CDYL2: variants seen among roughly 807,000 people sequenced by gnomAD.
CDYL2 encodes chromodomain Y like 2, also known as chromodomain Y-like protein 2.
In CDYL2, 23 loss-of-function variants were observed where a neutral mutation model predicts 49.4. The observed-to-expected ratio is 0.47, with a 90% CI of 0.34 to 0.66. The LOEUF (loss-of-function observed/expected upper bound fraction) is 0.66. Among genes scored for constraint, CDYL2 ranks in the 30% least tolerant of loss-of-function variants. CDYL2 has a pLI of 0.01. For synonymous variants in CDYL2, 360 were observed against 268.8 expected, an observed-to-expected ratio of 1.34 and a Z score of -3.32; for missense variants, 678 against 656.4, an observed-to-expected ratio of 1.03 and a Z score of -0.36.
chr16:80,668,206 G>C (rs1033582571), intron 2 of CDYL2, among the ~76,000 whole-genome samples: 1 of 152,192 alleles, frequency 6.6e-6, no homozygotes, highest in Non-Finnish European at 1.5e-5. Context: ...TCCTGACTCA[G>C]AAAGAGTTCC....
chr16:80,606,867 C>T lies in CDYL2; in HGVS notation c.1362+1225G>A, dbSNP rs551176260. Among the ~76,000 whole-genome samples the T allele has an allele frequency of 1.5e-3, 229 of 152,288 alleles. 1 individual carries two copies. Among genetic ancestry groups the T allele is most frequent in the African/African-American group, 5.0e-3 (207 of 41,560 alleles). ...TGGTTGTCACTTCTGTCTTGTCTGC[C>T]GCCATGTAAGACATGCCTTTGGCCT... On this transcript the variant is annotated intron_variant, in intron 6 of 6. Coordinates refer to ENST00000570137, the MANE Select transcript of CDYL2 (RefSeq NM_152342.4).
chr16:80,615,805 G>A (rs915886739), intron 4 of CDYL2, among the ~76,000 whole-genome samples: 2 of 152,084 alleles, frequency 1.3e-5, no homozygotes, highest in Non-Finnish European at 2.9e-5. Context: ...AATCTGCCTC[G>A]CACTTCATTT....
chr16:80,702,017 C>T (rs536526214), intron 1 of CDYL2, among the ~76,000 whole-genome samples: 1 of 152,116 alleles, frequency 6.6e-6, no homozygotes, highest in Non-Finnish European at 1.5e-5. Context: ...AACAAAGTAG[C>T]ATCAAATATC....
chr16:80,753,757 T>C lies in CDYL2; in HGVS notation c.24+50393A>G, dbSNP rs190471794. Among the ~76,000 whole-genome samples the C allele has an allele frequency of 1.1e-3, 171 of 152,248 alleles. 1 individual carries two copies. The highest frequency in any genetic ancestry group is 3.7e-3 in the African/African-American group (155 of 41,548). On this transcript the variant is annotated intron_variant, in intron 1 of 6. Transcript: ENST00000570137. The stretch of plus-strand genomic sequence containing the variant: ...CTTAAACCAGGACTCCAAAAAGTAC[T>C]GAACATAAAGGAAAAGACAGATAAA...
chr16:80,676,244 G>C (rs1909737750), intron 2 of CDYL2, among the ~76,000 whole-genome samples: 1 of 152,108 alleles, frequency 6.6e-6, no homozygotes, highest in Non-Finnish European at 1.5e-5. Flanking sequence ...AAAGACAAAA[G>C]ATTAAAAAAC....
chr16:80,698,579 C>T (rs1174155120), intron 1 of CDYL2, among the ~76,000 whole-genome samples: 2 of 152,040 alleles, frequency 1.3e-5, no homozygotes, highest in Admixed American at 6.5e-5. Flanking sequence ...CTTGGTAGGA[C>T]GTGATTGGAT....
chr16:80,675,129 G>A (rs1478919299), intron 2 of CDYL2, among the ~76,000 whole-genome samples: 2 of 152,208 alleles, frequency 1.3e-5, no homozygotes, highest in African/African-American at 2.4e-5. Flanking sequence ...CAGGCCCAGG[G>A]GTGTTGGCCA....
intron 3 of CDYL2, among the ~76,000 whole-genome samples, chr16:80,621,812 T>G (rs1005771457): frequency 6.6e-6 from 1 of 152,196 alleles, no homozygotes; most frequent in Non-Finnish European, 1.5e-5. Context: ...CTAGGATTTT[T>G]AGGTCTCTAT....
At chr16:80,700,230 G>A (rs1226995579) in intron 1 of CDYL2, among the ~76,000 whole-genome samples, 1 of 152,174 alleles carries the variant, frequency 6.6e-6, no homozygotes, top group Non-Finnish European at 1.5e-5. Flanking sequence ...AAATTAGAAA[G>A]TTAAACAAAA....
At chr16:80,695,782 G>A (rs1213181758) in intron 1 of CDYL2, among the ~76,000 whole-genome samples, 1 of 152,066 alleles carries the variant, frequency 6.6e-6, no homozygotes, top group African/African-American at 2.4e-5. Flanking sequence ...TAAAAGGAGG[G>A]AAAGACCTCA....
In CDYL2 at chr16:80,610,485, G is replaced by A. The variant is rs960338695; in HGVS notation, c.1218+2141C>T. 1.5e-4 allele frequency among the ~76,000 whole-genome samples: 23 copies of A among 152,198 alleles called. 1 individual carries two copies. ...GGGCCACAATGGACTGCTCTCTTTTGAAGAGGGAACTTAAGGGTATTATCC... is the reference window on the plus strand; with the variant it reads ...GGGCCACAATGGACTGCTCTCTTTTAAAGAGGGAACTTAAGGGTATTATCC... On this transcript the variant is annotated intron_variant, in intron 5 of 6. Transcript: ENST00000570137.
chr16:80,655,324 C>A (rs1597151652), intron 2 of CDYL2, among the ~76,000 whole-genome samples: 1 of 152,164 alleles, frequency 6.6e-6, no homozygotes, highest in Non-Finnish European at 1.5e-5. Context: ...TAGTTACTTG[C>A]CACCTCCTAT....
chr16:80,607,769 C>T (rs1038609488), intron 6 of CDYL2, among the ~76,000 whole-genome samples: 6 of 152,164 alleles, frequency 3.9e-5, no homozygotes, highest in African/African-American at 1.2e-4. Flanking sequence ...CGCTGCTTCT[C>T]GTTTCTTTGA....
At chr16:80,728,112 C>T (rs1036341459) in intron 1 of CDYL2, among the ~76,000 whole-genome samples, 11 of 152,250 alleles carry the variant, frequency 7.2e-5, no homozygotes, top group South Asian at 6.2e-4. Context: ...ATGACTTTGA[C>T]GAGCTGAGAG....
intron 2 of CDYL2, among the ~76,000 whole-genome samples, chr16:80,651,574 C>T (rs142927065): frequency 7.8e-4 from 119 of 152,082 alleles, no homozygotes; most frequent in African/African-American, 2.4e-3. Context: ...GCACAGAGAG[C>T]GAATTTAAAA....
chr16:80,609,952 C>A (rs945468304), intron 5 of CDYL2, among the ~76,000 whole-genome samples: 3 of 152,126 alleles, frequency 2.0e-5, no homozygotes, highest in South Asian at 2.1e-4. Flanking sequence ...CGTCACAAAG[C>A]CTCAATCTTC....
chr16:80,655,893 G>A (rs80276114), intron 2 of CDYL2, among the ~76,000 whole-genome samples: 29 of 152,222 alleles, frequency 1.9e-4, no homozygotes, highest in African/African-American at 6.0e-4. Context: ...CATGCTTCCC[G>A]AGTGACAGCA....
chr16:80,716,740 C>A (rs7201943), intron 1 of CDYL2, among the ~76,000 whole-genome samples: 1 of 149,306 alleles, frequency 6.7e-6, no homozygotes. Flanking sequence ...ATGGATGGAT[C>A]GATGGATGGA....
rs1597131359 is a variant in CDYL2 at position 80,782,139 on chromosome 16, G to A, written c.24+22011C>T. ...ACCAACAAAATTAATAAAGAAAAAT[G>A]AAGAAGGCTCAATGAGAAATGAAAA... On this transcript the variant is annotated intron_variant, in intron 1 of 6. Transcript: ENST00000570137. 2.6e-5 allele frequency among the ~76,000 whole-genome samples: 4 copies of A among 151,924 alleles called. No homozygotes were observed. In the South Asian group the frequency reaches 6.2e-4, roughly 24 times the overall value.
Sources: allele counts gnomAD v4.1 joint callset (sites outside exome capture counted in the v4.1 genomes callset), GRCh38; gene constraint gnomAD v4.1.1; transcripts MANE v1.5; gene names NCBI Gene and HGNC (gene_info 2026-07-23, HGNC 2026-07-21).